The following CNTN3 variants were observed in gnomAD, a reference collection of about 807,000 sequenced individuals.
CNTN3 encodes contactin 3, also known as contactin-3.
In CNTN3, 60 loss-of-function variants were observed where a neutral mutation model predicts 119.1. The ratio of observed to expected loss-of-function variants is 0.50; its 90% CI spans 0.41 to 0.62. The LOEUF (loss-of-function observed/expected upper bound fraction) is 0.62, where lower values mean the gene tolerates loss of function less well. Ranked by LOEUF, CNTN3 falls within the 20% of genes least tolerant of loss-of-function variation. The probability of loss-of-function intolerance (pLI) is 0.00; values close to 1 mark genes in which losing one functional copy is unlikely to be tolerated. For missense variants in CNTN3, 1,101 were observed against 1,242.4 expected (o/e 0.89, Z 1.71); for synonymous variants, 450 against 438.7 (o/e 1.03, Z -0.32).
intron 4 of CNTN3, among the ~76,000 whole-genome samples, chr3:74,462,687 A>G (rs1000819608): frequency 1.1e-4 from 17 of 151,986 alleles, no homozygotes; most frequent in African/African-American, 3.6e-4. Context: ...GTTGTCCTCT[A>G]TTGATATTAA....
At chr3:74,507,424 A>AC (rs1370433638) in intron 2 of CNTN3, among the ~76,000 whole-genome samples, 8 of 150,642 alleles carry the variant, frequency 5.3e-5, no homozygotes, top group Admixed American at 4.0e-4. Flanking sequence ...TCTCTAAGAA[A>AC]AAAAAAAAAA....
rs556877898 is a variant in CNTN3, at chr3:74,577,143, C to T, written c.-81+37248G>A. On this transcript the variant is annotated intron_variant, in intron 1 of 22. Transcript: ENST00000263665. ...CCCAAGACACAAAGTCAAGTCATCA[C>T]GACCTAAATTTAGGAAAAATGCCAT... Among the ~76,000 whole-genome samples the T allele has an allele frequency of 3.3e-5, 5 of 152,242 alleles. No individual in the cohort carries two copies. In the South Asian group the frequency reaches 1.0e-3, roughly 32 times the overall value.
At chr3:74,393,760 C>T (rs1419425507) in intron 5 of CNTN3, among the ~76,000 whole-genome samples, 1 of 152,176 alleles carries the variant, frequency 6.6e-6, no homozygotes, top group African/African-American at 2.4e-5. Flanking sequence ...TCCAAATCCA[C>T]CACAGTGTGC....
intron 1 of CNTN3, among the ~76,000 whole-genome samples, chr3:74,542,321 G>A (rs915703083): frequency 5.9e-5 from 9 of 152,158 alleles, no homozygotes; most frequent in Admixed American, 2.0e-4. Context: ...TAGAGATGAA[G>A]AGCCACCAAG....
At chr3:74,424,797 G>T in intron 5 of CNTN3, 48 bp downstream of exon 5, 1 of 1,487,484 alleles carries the variant, frequency 6.7e-7, no homozygotes, top group South Asian at 1.1e-5. Flanking sequence ...TGCAGGCCTT[G>T]CCCTGAACCT....
intron 4 of CNTN3, among the ~76,000 whole-genome samples, chr3:74,427,184 ACGT>A: frequency 6.6e-6 from 1 of 152,196 alleles, no homozygotes; most frequent in Non-Finnish European, 1.5e-5. Context: ...CGGTTCATGG[ACGT>A]AGCATCAGGA....
At chr3:74,602,964 T>C (rs1418411533) in intron 1 of CNTN3, among the ~76,000 whole-genome samples, 2 of 152,128 alleles carry the variant, frequency 1.3e-5, no homozygotes, top group African/African-American at 2.4e-5. Flanking sequence ...AGAAGGTTTA[T>C]TGAGGAGTGC....
intron 5 of CNTN3, among the ~76,000 whole-genome samples, chr3:74,372,846 C>T (rs1050778200): frequency 2.0e-5 from 3 of 151,988 alleles, no homozygotes; most frequent in African/African-American, 7.2e-5. Flanking sequence ...CCCCAACAAG[C>T]AGGGATAAAA....
chr3:74,543,871 G>C lies in CNTN3; in HGVS notation c.-80-22679C>G, dbSNP rs1256981318. ...AGAAACTGGGGAGGGCAGTGATTTTGTGACCACCTAATCAAGTCTTCATAT... is the reference window on the plus strand; with the variant it reads ...AGAAACTGGGGAGGGCAGTGATTTTCTGACCACCTAATCAAGTCTTCATAT... On this transcript the variant is annotated intron_variant, in intron 1 of 22. Coordinates refer to ENST00000263665, the MANE Select transcript of CNTN3 (RefSeq NM_020872.3). Among the ~76,000 whole-genome samples, 4 of 152,290 alleles carry C rather than the reference G, an allele frequency of 2.6e-5. No homozygotes were observed. In the East Asian group the frequency reaches 7.7e-4, roughly 29 times the overall value.
chr3:74,273,224 C>T (rs983481191), intron 20 of CNTN3, among the ~76,000 whole-genome samples: 5 of 152,182 alleles, frequency 3.3e-5, no homozygotes, highest in Non-Finnish European at 7.4e-5. Context: ...CAGACTCATT[C>T]TTTCAGTGCT....
chr3:74,569,644 A>G (rs180711467), intron 1 of CNTN3, among the ~76,000 whole-genome samples: 2 of 152,312 alleles, frequency 1.3e-5, no homozygotes. Context: ...AGCTTTGTGT[A>G]CTGATTTTCT....
In CNTN3 at chr3:74,409,569, A is replaced by C. The variant is rs537691938; in HGVS notation, c.454+15276T>G. ...ACTGTTGGTTGTTCCATACTATTAC[A>C]ATTTATCTTAGAAGTCTGTCCCTAA... On this transcript the variant is annotated intron_variant, in intron 5 of 22. Coordinates refer to ENST00000263665, the MANE Select transcript of CNTN3 (RefSeq NM_020872.3). Among the ~76,000 whole-genome samples, 3 of 151,836 alleles carry C rather than the reference A, an allele frequency of 2.0e-5. 1 individual carries two copies. Among genetic ancestry groups the C allele is most frequent in the Admixed American group, 1.3e-4 (2 of 15,218 alleles).
chr3:74,463,633 G>T (rs1702410273), intron 4 of CNTN3, among the ~76,000 whole-genome samples: 1 of 152,088 alleles, frequency 6.6e-6, no homozygotes, highest in Non-Finnish European at 1.5e-5. Context: ...AACCTTACAT[G>T]TTTCCAGTTT....
chr3:74,590,553 T>C lies in CNTN3; in HGVS notation c.-81+23838A>G, dbSNP rs375786930. Among the ~76,000 whole-genome samples, 17 of 152,036 alleles carry C rather than the reference T, an allele frequency of 1.1e-4. 1 individual carries two copies. The highest frequency in any genetic ancestry group is 3.4e-4 in the African/African-American group (14 of 41,500). On this transcript the variant is annotated intron_variant, in intron 1 of 22. Transcript: ENST00000263665. Reference sequence around the variant, plus strand: ...GGAGCTCCTATCACTTTGGAAAACATATGGGGGCATTTTAGTTGACTCATT... The same window carrying C: ...GGAGCTCCTATCACTTTGGAAAACACATGGGGGCATTTTAGTTGACTCATT...
chr3:74,552,163 T>C (rs1185707135), intron 1 of CNTN3, among the ~76,000 whole-genome samples: 1 of 152,212 alleles, frequency 6.6e-6, no homozygotes, highest in Non-Finnish European at 1.5e-5. Flanking sequence ...TATTCCACTT[T>C]ATGGTTGTAC....
intron 20 of CNTN3, among the ~76,000 whole-genome samples, chr3:74,280,214 C>T (rs1383666512): frequency 1.3e-5 from 2 of 152,028 alleles, no homozygotes; most frequent in African/African-American, 2.4e-5. Context: ...ACTTGATTTC[C>T]TTACATTCAG....
chr3:74,456,481 T>C (rs776916560), intron 4 of CNTN3, among the ~76,000 whole-genome samples: 10 of 151,962 alleles, frequency 6.6e-5, no homozygotes, highest in Non-Finnish European at 1.3e-4. Context: ...ATATGAAAAA[T>C]GATGTGTTTA....
At chr3:74,602,641 G>C (rs113305361) in intron 1 of CNTN3, among the ~76,000 whole-genome samples, 1 of 152,016 alleles carries the variant, frequency 6.6e-6, no homozygotes, top group South Asian at 2.1e-4. Flanking sequence ...CTTGTTAAGG[G>C]TGTGGATGTA....
intron 1 of CNTN3, among the ~76,000 whole-genome samples, chr3:74,559,089 A>T (rs189671356): frequency 6.6e-6 from 1 of 152,084 alleles, no homozygotes; most frequent in African/African-American, 2.4e-5. Context: ...AATAAAGATT[A>T]GCTATTATTA....
Sources: gnomAD v4.1 joint callset for allele counts (sites outside exome capture counted in the v4.1 genomes callset) on GRCh38, gnomAD v4.1.1 for gene constraint, MANE v1.5 for transcripts, NCBI Gene and HGNC (gene_info 2026-07-23, HGNC 2026-07-21) for gene names.